CPA1: variants seen among roughly 807,000 people sequenced by gnomAD.
CPA1 encodes the protein carboxypeptidase A1 (pancreatic).
CPA1 carries 42 observed loss-of-function variants against 48.7 expected under a neutral mutation model. The ratio of observed to expected loss-of-function variants is 0.86; its 90% CI spans 0.67 to 1.11. The LOEUF is 1.11. CPA1 is among the 50% of genes most tolerant of loss of function. The pLI is 0.00. For missense variants in CPA1, 477 were observed against 544.7 expected (o/e 0.88, Z 1.24); for synonymous variants, 203 against 217.9 (o/e 0.93, Z 0.60).
chr7:130,381,192 G>C lies in CPA1; in HGVS notation c.147+13G>C. ...GGAGCACCTGCAGGTCAGAAGAGGG[G>C]AGAAGGGCTCTCTGAGGCCCCAGGG... On this transcript the variant is annotated intron_variant, in intron 2 of 9. Transcript: ENST00000011292. 1 of 1,601,586 alleles carries C rather than the reference G, an allele frequency of 6.2e-7. No homozygotes were observed. Among genetic ancestry groups the C allele is most frequent in the Non-Finnish European group, 8.5e-7 (1 of 1,170,362 alleles).
chr7:130,384,648 G>A (rs782225489), intron 7 of CPA1, 22 bp downstream of exon 7: 6 of 1,598,624 alleles, frequency 3.8e-6, no homozygotes, highest in East Asian at 2.2e-5. Context: ...AGTGTCTTGG[G>A]AGCAAGGATG....
intron 4 of CPA1, among the ~76,000 whole-genome samples, chr7:130,383,074 C>T (rs782602258): frequency 1.3e-5 from 2 of 152,234 alleles, no homozygotes; most frequent in Admixed American, 6.5e-5. Flanking sequence ...AGCCACCACG[C>T]CCAACCCAGA....
At chr7:130,380,659 C>A in intron 1 of CPA1, 74 bp downstream of exon 1, 2 of 836,676 alleles carry the variant, frequency 2.4e-6, no homozygotes, top group Non-Finnish European at 3.4e-6. Context: ...GTAGAGGAGA[C>A]AGACAGACAG....
chr7:130,384,051 C>A lies in CPA1; in HGVS notation c.696+257C>A, dbSNP rs1351903126. The A allele has an allele frequency of 3.4e-5, 18 of 535,290 alleles. No homozygotes were observed. In the Admixed American group the frequency reaches 5.5e-4, roughly 16 times the overall value. The allele number at this position is 535,290 out of a possible 1,614,324, so 33.2% of individuals were successfully genotyped here. ...CCCATTCAATGCCAGTAGGAGCCCC[C>A]CTCTCCAGTGGTGACAACCAAAATG... On this transcript the variant is annotated intron_variant, in intron 6 of 9. Transcript: ENST00000011292.
chr7:130,384,808 CA>C, intron 7 of CPA1, 182 bp downstream of exon 7: 1 of 624,756 alleles, frequency 1.6e-6, no homozygotes. Flanking sequence ...TACTCGCCTG[CA>C]AAAGGCAAGT....
chr7:130,387,591 A>G lies in CPA1; in HGVS notation c.1073-233A>G, dbSNP rs190688301. Among the ~76,000 whole-genome samples the G allele has an allele frequency of 6.6e-5, 10 of 152,278 alleles. No individual in the cohort carries two copies. The highest frequency in any genetic ancestry group is 1.3e-4 in the Non-Finnish European group (9 of 68,020). On this transcript the variant is annotated intron_variant, in intron 9 of 9. Transcript: ENST00000011292. This position sits in a 1 kb window ranked among gnomAD's most constrained non-coding sequence, Gnocchi z 4.6. Reference sequence around the variant, plus strand: ...TTGCAGAGACTTCCTTGCATCCCCTAGTGAATAGGGGAACCATTGCTGGTC... The same window carrying G: ...TTGCAGAGACTTCCTTGCATCCCCTGGTGAATAGGGGAACCATTGCTGGTC...
At chr7:130,382,308 C>G in intron 4 of CPA1, 99 bp downstream of exon 4, 1 of 918,092 alleles carries the variant, frequency 1.1e-6, no homozygotes, top group Admixed American at 1.9e-5. Flanking sequence ...TACCAGGGAA[C>G]ACGCTGTTAA....
intron 7 of CPA1, chr7:130,384,853 C>G: frequency 1.6e-6 from 1 of 608,936 alleles, no homozygotes. Context: ...GAAATCCTAC[C>G]TAGGGGGCTT....
intron 8 of CPA1, 100 bp downstream of exon 8, chr7:130,385,445 A>G: frequency 9.5e-7 from 1 of 1,056,290 alleles, no homozygotes; most frequent in Admixed American, 1.8e-5. Context: ...ACACCTCCAG[A>G]GTACCTGACA....
Position 130,385,278 on chromosome 7 carries a change from G to T in CPA1, c.920G>T (p.Ser307Ile). ...GNIKAFISIH[S>I]YSQLLMYPYG... ...ATCAAGGCCTTCATCTCCATCCACA[G>T]CTACTCCCAGCTCCTCATGTATCCC... The change falls in exon 8 of 10, where the codon AGC becomes ATC. Residue 307 changes from serine (S) to isoleucine (I), a missense_variant. Coordinates refer to ENST00000011292, the MANE Select transcript of CPA1 (RefSeq NM_001868.4). The T allele has an allele frequency of 1.2e-6, 2 of 1,614,216 alleles. No individual in the cohort carries two copies. The highest frequency in any genetic ancestry group is 1.7e-6 in the Non-Finnish European group (2 of 1,180,042).
chr7:130,385,875 T>G lies in CPA1; in HGVS notation c.1024T>G (p.Ser342Ala). The change falls in exon 9 of 10, where the codon TCT becomes GCT. Residue 342 changes from serine (S) to alanine (A), a missense_variant. Transcript: ENST00000011292. ...LSKAAVTALA[S>A]LYGTKFNYGS... is the part of the protein sequence containing the mutation. ...CAAGGCTGCTGTGACAGCCCTGGCC[T>G]CTCTCTACGGGACCAAGTTCAACTA... 1 of 1,614,148 alleles carries G rather than the reference T, an allele frequency of 6.2e-7. No individual in the cohort carries two copies. The highest frequency in any genetic ancestry group is 1.1e-5 in the South Asian group (1 of 91,058).
At chr7:130,385,008 C>A in intron 7 of CPA1, 138 bp from the exon 8 acceptor site, 3 of 827,160 alleles carry the variant, frequency 3.6e-6, no homozygotes, top group Admixed American at 2.2e-5. Context: ...TTATAGAAGG[C>A]CTTTGGGCTT....
chr7:130,383,242 A>AGC, intron 4 of CPA1, 149 bp from the exon 5 acceptor site: 1 of 718,636 alleles, frequency 1.4e-6, no homozygotes, highest in Admixed American at 2.0e-5. Flanking sequence ...CCCCAAACCC[A>AGC]CCTGAGTGAT....
intron 4 of CPA1, 39 bp downstream of exon 4, chr7:130,382,248 C>T (rs1554411339): frequency 1.1e-5 from 16 of 1,514,988 alleles, no homozygotes; most frequent in South Asian, 3.4e-5. Context: ...GGAGAATGGA[C>T]CCACACGTGG....
At chr7:130,381,015 T>A in intron 1 of CPA1, 83 bp from the exon 2 acceptor site, 1 of 1,118,050 alleles carries the variant, frequency 8.9e-7, no homozygotes, top group Non-Finnish European at 1.3e-6. Context: ...TCTGGGCTGC[T>A]GCCTCCCTCC....
chr7:130,383,475 G>T lies in CPA1; in HGVS notation c.568G>T (p.Val190Phe). Reference protein sequence around the residue: ...SREWVTQASGVWFAKKITQDY... With the variant: ...SREWVTQASGFWFAKKITQDY... The stretch of plus-strand genomic sequence containing the variant: ...GGAGTGGGTCACCCAGGCCAGTGGG[G>T]TCTGGTTTGCAAAGAAGGTAAGGCC... Residue 190 changes from valine (V) to phenylalanine (F), a missense_variant, in exon 5 of 10, where the codon GTC (valine) becomes TTC (phenylalanine). Coordinates refer to ENST00000011292, the MANE Select transcript of CPA1 (RefSeq NM_001868.4). 2 of 1,614,150 alleles carry T rather than the reference G, an allele frequency of 1.2e-6. No homozygotes were observed.
chr7:130,383,867 C>A, intron 6 of CPA1, 73 bp downstream of exon 6: 1 of 1,112,254 alleles, frequency 9.0e-7, no homozygotes, highest in Non-Finnish European at 1.4e-6. Context: ...GTAGTTCACC[C>A]CTAATCTCAA....
At chr7:130,382,740 T>C (rs1562967346) in intron 4 of CPA1, among the ~76,000 whole-genome samples, 1 of 147,230 alleles carries the variant, frequency 6.8e-6, no homozygotes, top group Admixed American at 7.0e-5. Flanking sequence ...ACCTCCTGGG[T>C]TCAAGCGATT....
chr7:130,381,231 C>CTGGGGTG, intron 2 of CPA1, 52 bp downstream of exon 2: 3 of 1,370,554 alleles, frequency 2.2e-6, no homozygotes, highest in Non-Finnish European at 3.1e-6. Context: ...CAGCTGGGGC[C>CTGGGGTG]ACCCCAGGTC....
Sources: gnomAD v4.1 joint callset for allele counts (sites outside exome capture counted in the v4.1 genomes callset) on GRCh38, gnomAD v4.1.1 for gene constraint, Gnocchi (gnomAD v3.1) non-coding constraint, MANE v1.5 for transcripts, NCBI Gene and HGNC (gene_info 2026-07-23, HGNC 2026-07-21) for gene names.